Variants in PRSS23 observed in about 807,000 individuals in gnomAD.
PRSS23 encodes serine protease 23.
In PRSS23, 25 loss-of-function variants were observed where a neutral mutation model predicts 34.7. The ratio of observed to expected loss-of-function variants is 0.72; its 90% CI spans 0.53 to 1.01. PRSS23 has a LOEUF of 1.01. PRSS23 is among the 50% of genes least tolerant of loss of function. The probability of loss-of-function intolerance (pLI) is 0.00; values close to 1 mark genes in which losing one functional copy is unlikely to be tolerated. For missense variants in PRSS23, 445 were observed against 475.6 expected (o/e 0.94, Z 0.60); for synonymous variants, 176 against 186.6 (o/e 0.94, Z 0.46).
At chr11:86,854,563 T>G (rs968605923) in intron 2 of PRSS23, among the ~76,000 whole-genome samples, 1 of 152,244 alleles carries the variant, frequency 6.6e-6, no homozygotes, top group African/African-American at 2.4e-5. Flanking sequence ...ATGCTTTTGG[T>G]GTCTTATCCC....
intron 2 of PRSS23, among the ~76,000 whole-genome samples, chr11:86,842,616 G>T (rs1040185985): frequency 6.6e-6 from 1 of 152,170 alleles, no homozygotes; most frequent in African/African-American, 2.4e-5. Context: ...AAAATGACAA[G>T]CATTCCTATA....
At chr11:86,946,545 G>A (rs1447227200) in intron 2 of PRSS23, 1 of 152,246 alleles carries the variant, frequency 6.6e-6, no homozygotes, top group African/African-American at 2.4e-5. Context: ...TAAGTCATTT[G>A]TCTCCTGGTA....
At chr11:86,863,289 G>T (rs1235948638) in intron 2 of PRSS23, among the ~76,000 whole-genome samples, 1 of 152,108 alleles carries the variant, frequency 6.6e-6, no homozygotes, top group East Asian at 1.9e-4. Flanking sequence ...TATCATATTG[G>T]ATGTACACCC....
At chr11:86,815,004 C>T (rs1948205346), downstream of PRSS23, among the ~76,000 whole-genome samples, 1 of 152,210 alleles carries the variant, frequency 6.6e-6, no homozygotes, top group African/African-American at 2.4e-5. Flanking sequence ...GACTAAGGCC[C>T]TGTCTTCCAT....
At chr11:86,813,662 ATG>A (rs1948195706), downstream of PRSS23, among the ~76,000 whole-genome samples, 1 of 148,678 alleles carries the variant, frequency 6.7e-6, no homozygotes, top group Admixed American at 6.8e-5. Context: ...GCCTAATAAA[ATG>A]TGTTAATATA....
At chr11:86,898,483 TAAGG>T (rs948553547) in intron 2 of PRSS23, among the ~76,000 whole-genome samples, 1 of 152,208 alleles carries the variant, frequency 6.6e-6, no homozygotes, top group Non-Finnish European at 1.5e-5. Flanking sequence ...ATGTAGTCAA[TAAGG>T]AAGGAGTCTC....
chr11:86,868,202 G>A (rs1403101682), intron 2 of PRSS23, among the ~76,000 whole-genome samples: 1 of 152,154 alleles, frequency 6.6e-6, no homozygotes, highest in Non-Finnish European at 1.5e-5. Context: ...GAAGGACAAA[G>A]GCTGAGCACA....
At chr11:86,811,509 C>T (rs528047557), downstream of PRSS23, among the ~76,000 whole-genome samples, 84 of 152,284 alleles carry the variant, frequency 5.5e-4, no homozygotes, top group Non-Finnish European at 8.7e-4. Flanking sequence ...TTTACATAGA[C>T]TTTACTCCAA....
At chr11:86,850,390 A>C (rs568695107) in intron 2 of PRSS23, among the ~76,000 whole-genome samples, 35 of 152,272 alleles carry the variant, frequency 2.3e-4, no homozygotes, top group African/African-American at 8.4e-4. Flanking sequence ...TCCCAACAGC[A>C]GTTGGGGTGT....
At chr11:86,865,744 C>T (rs552139815) in intron 2 of PRSS23, among the ~76,000 whole-genome samples, 50 of 152,298 alleles carry the variant, frequency 3.3e-4, no homozygotes, top group Admixed American at 9.8e-4. Flanking sequence ...GGTCCCTACT[C>T]CTCCCCACCT....
chr11:86,879,090 G>T lies in PRSS23; in HGVS notation c.206+55497G>T, dbSNP rs868588450. Among the ~76,000 whole-genome samples the T allele has an allele frequency of 1.3e-3, 181 of 143,436 alleles. 6 individuals carry two copies. Among genetic ancestry groups the T allele is most frequent in the African/African-American group, 4.4e-3 (168 of 38,402 alleles). The allele number at this position is 143,436 out of a possible 152,430, so 94.1% of individuals were successfully genotyped here. A position where few individuals can be genotyped will look rare whatever the true frequency, so the allele number is the denominator to read the frequency against. On this transcript the variant is annotated intron_variant, in intron 2 of 2. Coordinates refer to the PRSS23 transcript ENST00000533902. ...TCTGCCCGGCCGCCATCCCGTCTAG[G>T]AAGTGAGGAGCACCTCTTCCCGGCC...
At chr11:86,876,670 C>A (rs772685342) in intron 2 of PRSS23, among the ~76,000 whole-genome samples, 1 of 151,788 alleles carries the variant, frequency 6.6e-6, no homozygotes, top group Admixed American at 6.6e-5. Context: ...CAAGACTATT[C>A]GTGATTCCTA....
At chr11:86,939,308 A>G (rs1009365100) in intron 2 of PRSS23, among the ~76,000 whole-genome samples, 9 of 151,186 alleles carry the variant, frequency 6.0e-5, no homozygotes, top group Non-Finnish European at 1.0e-4. Flanking sequence ...ACTAGGTGTC[A>G]TTAGAGCCCT....
chr11:86,829,595 T>C (rs1948333790), intron 2 of PRSS23, among the ~76,000 whole-genome samples: 1 of 152,210 alleles, frequency 6.6e-6, no homozygotes, highest in South Asian at 2.1e-4. Context: ...TTTTCTGCTC[T>C]GTTTTTTCCC....
rs935645045 is a variant in PRSS23 at position 86,807,745 on chromosome 11, A to C, written c.102A>C (p.Ala34=). Reference sequence around the variant, plus strand: ...CCCCCTGGAAACCCACTTGGCCTGCATACCGCCTCCCTGTCGTCTTGCCCC... The same window carrying C: ...CCCCCTGGAAACCCACTTGGCCTGCCTACCGCCTCCCTGTCGTCTTGCCCC... ...YSAPWKPTWP[A]YRLPVVLPQS... is the part of the protein sequence containing the mutation. The change falls in exon 2 of 2, where the codon GCA becomes GCC. Residue 34 remains alanine (A), a synonymous_variant. Transcript: ENST00000280258. 6.2e-7 allele frequency: 1 copy of C among 1,614,124 alleles called. No homozygotes were observed.
At chr11:86,863,180 A>G (rs1948627682) in intron 2 of PRSS23, among the ~76,000 whole-genome samples, 1 of 152,180 alleles carries the variant, frequency 6.6e-6, no homozygotes, top group South Asian at 2.1e-4. Flanking sequence ...ACTCTGTGAT[A>G]TAATTCCTAA....
intron 2 of PRSS23, among the ~76,000 whole-genome samples, chr11:86,849,852 T>G (rs1003120663): frequency 6.6e-6 from 1 of 152,138 alleles, no homozygotes; most frequent in Admixed American, 6.5e-5. Context: ...CTAGTCACCC[T>G]ACAAAGCCAG....
chr11:86,792,014 C>A (rs1947954909), intron 1 of PRSS23, among the ~76,000 whole-genome samples: 2 of 152,098 alleles, frequency 1.3e-5, no homozygotes, highest in African/African-American at 2.4e-5. Context: ...TCCTTACAGC[C>A]CTGTGAGGAG....
intron 2 of PRSS23, among the ~76,000 whole-genome samples, chr11:86,825,562 A>G (rs562417677): frequency 0.027 from 4,111 of 150,680 alleles, 141 homozygotes; most frequent in African/African-American, 0.079. Flanking sequence ...GCCCATGCCT[A>G]TGTCCTGAAT....
Sources: gnomAD v4.1 joint callset for allele counts (sites outside exome capture counted in the v4.1 genomes callset) on GRCh38, gnomAD v4.1.1 for gene constraint, MANE v1.5 for transcripts, NCBI Gene and HGNC (gene_info 2026-07-23, HGNC 2026-07-21) for gene names.